APBB2: variants seen among roughly 807,000 people sequenced by gnomAD.
APBB2 encodes Fe65-like 1.
In APBB2, 38 loss-of-function variants were observed where a neutral mutation model predicts 82.5. That is an observed-to-expected ratio of 0.46 (90% CI 0.36 to 0.60). The LOEUF (loss-of-function observed/expected upper bound fraction) is 0.60. Among genes scored for constraint, APBB2 ranks in the 20% least tolerant of loss-of-function variants. APBB2 has a pLI of 0.00. For missense variants in APBB2, 772 were observed against 972.3 expected (o/e 0.79, Z 2.74); for synonymous variants, 341 against 368.2 (o/e 0.93, Z 0.85).
At chr4:40,823,925 G>A (rs55720665) in intron 15 of APBB2, among the ~76,000 whole-genome samples, 166 bp from the exon 16 acceptor site, 19,225 of 152,124 alleles carry the variant, frequency 0.13, 1,295 homozygotes, top group Non-Finnish European at 0.15. Flanking sequence ...GCTTCTGGCC[G>A]GGCGTAGTGG....
At chr4:41,000,594 C>T (rs1045869929) in intron 6 of APBB2, among the ~76,000 whole-genome samples, 1 of 152,142 alleles carries the variant, frequency 6.6e-6, no homozygotes, top group Non-Finnish European at 1.5e-5. Flanking sequence ...GAAGAAGGAA[C>T]CCATGAGTTC....
intron 12 of APBB2, among the ~76,000 whole-genome samples, chr4:40,833,697 A>G (rs2154304826): frequency 6.6e-6 from 1 of 152,078 alleles, no homozygotes; most frequent in South Asian, 2.1e-4. Context: ...TAGCTATACA[A>G]CCCTGGGCAT....
chr4:41,095,913 G>A (rs181829060), intron 3 of APBB2, among the ~76,000 whole-genome samples: 26 of 152,310 alleles, frequency 1.7e-4, no homozygotes, highest in African/African-American at 6.3e-4. Flanking sequence ...TGGCACATGT[G>A]TGACCTTTCT....
chr4:41,070,363 G>A (rs1306993181), intron 3 of APBB2, among the ~76,000 whole-genome samples: 1 of 152,080 alleles, frequency 6.6e-6, no homozygotes, highest in Non-Finnish European at 1.5e-5. Context: ...AGACTGGAGT[G>A]CGGTGGTGAG....
At chr4:41,080,236 T>C (rs1737111978) in intron 3 of APBB2, among the ~76,000 whole-genome samples, 1 of 152,220 alleles carries the variant, frequency 6.6e-6, no homozygotes. Context: ...CACATTTAGT[T>C]CCCAGTCTGA....
intron 12 of APBB2, among the ~76,000 whole-genome samples, chr4:40,867,388 T>C (rs1334252492): frequency 6.6e-6 from 1 of 152,262 alleles, no homozygotes. Context: ...ATCATTTCAC[T>C]ATAGCACCCC....
intron 6 of APBB2, among the ~76,000 whole-genome samples, chr4:40,957,581 A>T: frequency 1.1e-5 from 1 of 93,896 alleles, no homozygotes; most frequent in African/African-American, 3.7e-5. Flanking sequence ...TCCACCTCAT[A>T]TTCCTTTTTT....
chr4:41,033,909 A>C (rs185386041), intron 4 of APBB2, among the ~76,000 whole-genome samples: 142 of 152,318 alleles, frequency 9.3e-4, no homozygotes, highest in Non-Finnish European at 1.6e-3. Context: ...TTCACTCAAA[A>C]CTTAAGAAAA....
At chr4:40,922,072 C>T (rs756244605) in intron 10 of APBB2, among the ~76,000 whole-genome samples, 27 of 152,170 alleles carry the variant, frequency 1.8e-4, no homozygotes, top group Non-Finnish European at 3.4e-4. Context: ...ACTAAATACA[C>T]CTTTCATGAA....
intron 5 of APBB2, among the ~76,000 whole-genome samples, chr4:41,021,909 G>A (rs890856332): frequency 7.9e-5 from 12 of 152,020 alleles, no homozygotes; most frequent in African/African-American, 1.9e-4. Context: ...AACTCCGGAC[G>A]CACCACCTTA....
At chr4:41,054,931 C>A (rs1249459942) in intron 4 of APBB2, among the ~76,000 whole-genome samples, 1 of 152,182 alleles carries the variant, frequency 6.6e-6, no homozygotes, top group Non-Finnish European at 1.5e-5. Flanking sequence ...CCATTTAGCA[C>A]CCTAGATGCC....
At chr4:40,836,066 G>C (rs575226528) in intron 12 of APBB2, among the ~76,000 whole-genome samples, 1 of 152,142 alleles carries the variant, frequency 6.6e-6, no homozygotes, top group Non-Finnish European at 1.5e-5. Flanking sequence ...ACCAGGTGAC[G>C]AGGCCCACCA....
At chr4:40,828,426 G>C (rs922274460) in intron 13 of APBB2, among the ~76,000 whole-genome samples, 1 of 152,162 alleles carries the variant, frequency 6.6e-6, no homozygotes, top group Non-Finnish European at 1.5e-5. Flanking sequence ...TTCCATCGCA[G>C]ACCTCTACTC....
intron 6 of APBB2, among the ~76,000 whole-genome samples, chr4:40,993,369 T>C (rs1354662318): frequency 1.3e-5 from 2 of 150,202 alleles, no homozygotes; most frequent in Admixed American, 1.3e-4. Context: ...CTCTTTTTTT[T>C]TTTTTTTTTT....
At chr4:41,111,127 G>C (rs888082844) in intron 2 of APBB2, among the ~76,000 whole-genome samples, 3 of 152,178 alleles carry the variant, frequency 2.0e-5, no homozygotes, top group African/African-American at 7.2e-5. Flanking sequence ...ATCTAATGCT[G>C]CTGCTGATCT....
At chr4:41,119,006 G>A (rs1278888972) in intron 2 of APBB2, among the ~76,000 whole-genome samples, 1 of 152,062 alleles carries the variant, frequency 6.6e-6, no homozygotes, top group African/African-American at 2.4e-5. Context: ...AGGCGTTGTA[G>A]TGCGCACCTG....
chr4:40,999,632 C>T (rs1330492557), intron 6 of APBB2, among the ~76,000 whole-genome samples: 3 of 152,138 alleles, frequency 2.0e-5, no homozygotes, highest in Non-Finnish European at 4.4e-5. Flanking sequence ...CAAATTTCTA[C>T]AACTGAAAAT....
chr4:41,046,343 T>C (rs984630284), intron 4 of APBB2, among the ~76,000 whole-genome samples: 3 of 152,250 alleles, frequency 2.0e-5, no homozygotes, highest in Non-Finnish European at 4.4e-5. Flanking sequence ...AGTTTGGCAC[T>C]ATATGGAAAA....
At chr4:41,072,326 G>T (rs1357961976) in intron 3 of APBB2, among the ~76,000 whole-genome samples, 1 of 152,186 alleles carries the variant, frequency 6.6e-6, no homozygotes, top group Non-Finnish European at 1.5e-5. Context: ...GCAACAGAGG[G>T]CTGTTTATTC....
Sources: gnomAD v4.1 joint callset for allele counts (sites outside exome capture counted in the v4.1 genomes callset) on GRCh38, gnomAD v4.1.1 for gene constraint, MANE v1.5 for transcripts, NCBI Gene and HGNC (gene_info 2026-07-23, HGNC 2026-07-21) for gene names.